The following TFAP2E variants were observed in gnomAD, a reference collection of about 807,000 sequenced individuals.
The protein encoded by TFAP2E is transcription factor AP-2 epsilon.
A neutral mutation model predicts 37.9 loss-of-function variants in TFAP2E; 30 were observed. The ratio of observed to expected loss-of-function variants is 0.79; its 90% CI spans 0.59 to 1.07. The LOEUF is 1.07. TFAP2E is among the 50% of genes least tolerant of loss of function. TFAP2E has a pLI of 0.00. For synonymous variants in TFAP2E, 318 were observed against 295.8 expected (o/e 1.08, Z -0.77); for missense variants, 567 against 637.9 (o/e 0.89, Z 1.20).
intron 3 of TFAP2E, among the ~76,000 whole-genome samples, chr1:35,579,372 GACA>G (rs140974366): frequency 0.026 from 3,885 of 150,934 alleles, 63 homozygotes; most frequent in Non-Finnish European, 0.042. Context: ...CTCCAGCCTG[GACA>G]ACAACAGCAA....
rs1649212431 is a variant in TFAP2E, at chr1:35,577,432, C to G, written c.562+2432C>G. On this transcript the variant is annotated intron_variant, in intron 3 of 6. Transcript: ENST00000373235. This position sits in a 1 kb window ranked among gnomAD's most constrained non-coding sequence, Gnocchi z 6.3. ...TTCCGACGGCACGAGGAACTCCTGT[C>G]CTGCCCCACAGACCTTCGGCCTCCG... The G allele has an allele frequency of 2.2e-6, 1 of 456,698 alleles. No homozygotes were observed. The highest frequency in any genetic ancestry group is 4.4e-6 in the Non-Finnish European group (1 of 226,998). 28.3% of individuals were successfully genotyped at this position (456,698 alleles called of 1,614,324 possible).
In TFAP2E at chr1:35,573,382, C is replaced by T. The variant is rs1441775639; in HGVS notation, c.-196C>T. 1.7e-6 allele frequency: 1 copy of T among 596,160 alleles called. No homozygotes were observed. The highest frequency in any genetic ancestry group is 4.8e-4 in the Middle Eastern group (1 of 2,100). The allele number at this position is 596,160 out of a possible 1,614,324, so 36.9% of individuals were successfully genotyped here. On this transcript the variant is annotated 5_prime_UTR_variant, in exon 1 of 7. Transcript: ENST00000373235. The surrounding 1 kb of genome is among the most constrained non-coding windows in gnomAD (Gnocchi z 5.9). Reference sequence around the variant, plus strand: ...CCAAGTGCGATCAGTGCCCGTCCGTCCTGCCTCCATGGACCCGCCCGGGAA... The same window carrying T: ...CCAAGTGCGATCAGTGCCCGTCCGTTCTGCCTCCATGGACCCGCCCGGGAA...
At chr1:35,581,724 C>T (rs1649355720) in intron 3 of TFAP2E, among the ~76,000 whole-genome samples, 1 of 151,744 alleles carries the variant, frequency 6.6e-6, no homozygotes, top group Non-Finnish European at 1.5e-5. Context: ...AGGTGCGTGA[C>T]ACCACGTCCG....
chr1:35,586,826 C>T (rs1649493301), intron 3 of TFAP2E, among the ~76,000 whole-genome samples: 1 of 152,124 alleles, frequency 6.6e-6, no homozygotes, highest in South Asian at 2.1e-4. Context: ...TCAGGCTAGC[C>T]TTTCCTACTT....
Position 35,573,447 on chromosome 1 carries a change from C to A in TFAP2E, c.-131C>A. On this transcript the variant is annotated 5_prime_UTR_variant, in exon 1 of 7. The change creates a new upstream start codon in the 5' untranslated region. Transcript: ENST00000373235. The surrounding 1 kb of genome is among the most constrained non-coding windows in gnomAD (Gnocchi z 5.9). The stretch of plus-strand genomic sequence containing the variant: ...GACCCCACGCCCACTAGGATCCCGG[C>A]TGGGTCGCACCCAGCTACCGCACCG... 1 of 1,250,876 alleles carries A rather than the reference C, an allele frequency of 8.0e-7. No homozygotes were observed. The highest frequency in any genetic ancestry group is 1.0e-6 in the Non-Finnish European group (1 of 960,640). The allele number at this position is 1,250,876 out of a possible 1,614,324, so 77.5% of individuals were successfully genotyped here. A position where few individuals can be genotyped will look rare whatever the true frequency, so the allele number is the denominator to read the frequency against.
At chr1:35,585,844 T>G (rs992989570) in intron 3 of TFAP2E, among the ~76,000 whole-genome samples, 2 of 151,754 alleles carry the variant, frequency 1.3e-5, no homozygotes, top group Admixed American at 6.6e-5. Context: ...AGTCCAGGAG[T>G]TCAAGACCAG....
chr1:35,582,314 T>C (rs1467392248), intron 3 of TFAP2E, among the ~76,000 whole-genome samples: 4 of 152,194 alleles, frequency 2.6e-5, no homozygotes, highest in Admixed American at 1.3e-4. Context: ...GAAATGTCTA[T>C]TTACATATTT....
intron 6 of TFAP2E, 83 bp from the exon 7 acceptor site, chr1:35,594,311 C>T (rs948673716): frequency 1.3e-6 from 2 of 1,528,266 alleles, no homozygotes; most frequent in East Asian, 2.3e-5. Context: ...TAGCTAATGT[C>T]TGTAAAATGC....
Position 35,573,556 on chromosome 1 carries a change from C to G in TFAP2E, c.-22C>G, listed in dbSNP as rs767669682. 1.3e-6 allele frequency: 2 copies of G among 1,515,914 alleles called. No individual in the cohort carries two copies. The highest frequency in any genetic ancestry group is 1.2e-5 in the South Asian group (1 of 80,390). 93.9% of individuals were successfully genotyped at this position (1,515,914 alleles called of 1,614,324 possible). ...CTAGGGCTCCGCCGCCGCCACGCCT[C>G]GCGCCCGGCACTCACCGCCCCATGC... On this transcript the variant is annotated 5_prime_UTR_variant, in exon 1 of 7. Coordinates refer to ENST00000373235, the MANE Select transcript of TFAP2E (RefSeq NM_178548.4). This position sits in a 1 kb window ranked among gnomAD's most constrained non-coding sequence, Gnocchi z 5.9.
At position 35,577,438 on chromosome 1, in the gene TFAP2E, CCA is replaced by C. The variant is rs770916912; in HGVS notation, c.562+2441_562+2442del. The C allele has an allele frequency of 6.6e-5, 30 of 456,682 alleles. No individual in the cohort carries two copies. The highest frequency in any genetic ancestry group is 1.0e-4 in the Non-Finnish European group (23 of 226,992). The allele number at this position is 456,682 out of a possible 1,614,324, so 28.3% of individuals were successfully genotyped here. On this transcript the variant is annotated intron_variant, in intron 3 of 6. Coordinates refer to ENST00000373235, the MANE Select transcript of TFAP2E (RefSeq NM_178548.4). This position sits in a 1 kb window ranked among gnomAD's most constrained non-coding sequence, Gnocchi z 6.3. ...CGGCACGAGGAACTCCTGTCCTGCCCCACAGACCTTCGGCCTCCGCCGAGTGC... is the reference window on the plus strand; with the variant it reads ...CGGCACGAGGAACTCCTGTCCTGCCCCAGACCTTCGGCCTCCGCCGAGTGC...
chr1:35,580,392 G>A (rs1039312277), intron 3 of TFAP2E, among the ~76,000 whole-genome samples: 1 of 152,102 alleles, frequency 6.6e-6, no homozygotes, highest in Non-Finnish European at 1.5e-5. Flanking sequence ...ACCCCTTCAA[G>A]CTTTGGACCA....
Position 35,589,939 on chromosome 1 carries a change from C to A in TFAP2E, c.795C>A (p.Ser265=). 1 of 1,613,906 alleles carries A rather than the reference C, an allele frequency of 6.2e-7. No individual in the cohort carries two copies. The highest frequency in any genetic ancestry group is 1.1e-5 in the South Asian group (1 of 91,046). ...CTCTGTGCATGTCAAGGGCCAAGTC[C>A]AAAAATGGGGGCCGGTGTTTGCGGG... ...LLGGVLRRAK[S]KNGGRCLRER... is the part of the protein sequence containing the mutation. The change falls in exon 5 of 7, where the codon TCC becomes TCA. Residue 265 remains serine, a synonymous_variant. Coordinates refer to ENST00000373235, the MANE Select transcript of TFAP2E (RefSeq NM_178548.4).
At chr1:35,582,077 C>T (rs941687026) in intron 3 of TFAP2E, among the ~76,000 whole-genome samples, 16 of 151,996 alleles carry the variant, frequency 1.1e-4, no homozygotes, top group East Asian at 1.9e-4. Context: ...GGTTTCACCA[C>T]GTTGGACAGG....
At position 35,588,598 on chromosome 1, in the gene TFAP2E, C is replaced by A. The variant is rs1649559835; in HGVS notation, c.785+46C>A. 6.6e-7 allele frequency: 1 copy of A among 1,509,606 alleles called. No homozygotes were observed. Among genetic ancestry groups the A allele is most frequent in the Non-Finnish European group, 8.9e-7 (1 of 1,124,504 alleles). The allele number at this position is 1,509,606 out of a possible 1,614,324, so 93.5% of individuals were successfully genotyped here. On this transcript the variant is annotated intron_variant, in intron 4 of 6. Coordinates refer to ENST00000373235, the MANE Select transcript of TFAP2E (RefSeq NM_178548.4). This position sits in a 1 kb window ranked among gnomAD's most constrained non-coding sequence, Gnocchi z 5.1. ...TTCCCCGCCTGATTGGATCCCTGGC[C>A]TCTTCAGGCCTTCTCAAGGCATCAG...
chr1:35,587,446 T>A (rs1649512820), intron 3 of TFAP2E, among the ~76,000 whole-genome samples: 1 of 151,972 alleles, frequency 6.6e-6, no homozygotes. Flanking sequence ...GAGACCAGCC[T>A]GGCCAATATG....
In TFAP2E at chr1:35,595,138, G is replaced by A. The variant is rs1649795183; in HGVS notation, c.*462G>A. On this transcript the variant is annotated 3_prime_UTR_variant, in exon 7 of 7. Transcript: ENST00000373235. Reference sequence around the variant, plus strand: ...CTCCTACCCCCAGAAAAGGGGTGCTGGAAGGAGGCCCCAGTGGACTCTTTG... The same window carrying A: ...CTCCTACCCCCAGAAAAGGGGTGCTAGAAGGAGGCCCCAGTGGACTCTTTG... The A allele has an allele frequency of 4.8e-6, 1 of 208,064 alleles. No individual in the cohort carries two copies. The highest frequency in any genetic ancestry group is 5.7e-5 in the Admixed American group (1 of 17,484). 12.9% of individuals were successfully genotyped at this position (208,064 alleles called of 1,614,324 possible). A position where few individuals can be genotyped will look rare whatever the true frequency, so the allele number is the denominator to read the frequency against.
downstream of TFAP2E, chr1:35,595,400 G>A (rs967010085): frequency 6.1e-5 from 9 of 148,588 alleles, no homozygotes; most frequent in Non-Finnish European, 8.9e-5. Flanking sequence ...ACACTGATAT[G>A]TCCAGCTGGA....
intron 2 of TFAP2E, 67 bp from the exon 3 acceptor site, chr1:35,574,882 G>A (rs1185482316): frequency 6.2e-7 from 1 of 1,609,474 alleles, no homozygotes; most frequent in Non-Finnish European, 8.5e-7. Flanking sequence ...CTGGGTGGCA[G>A]GGGCTTGGGA....
At chr1:35,589,773 C>T (rs575952830) in intron 4 of TFAP2E, among the ~76,000 whole-genome samples, 157 bp from the exon 5 acceptor site, 30 of 152,108 alleles carry the variant, frequency 2.0e-4, no homozygotes, top group Middle Eastern at 3.2e-3. Flanking sequence ...AGATTAGTTG[C>T]GCCCTTGCTG....
Sources: allele counts gnomAD v4.1 joint callset (sites outside exome capture counted in the v4.1 genomes callset), GRCh38; gene constraint gnomAD v4.1.1; non-coding constraint Gnocchi (gnomAD v3.1); transcripts MANE v1.5; gene names NCBI Gene and HGNC (gene_info 2026-07-23, HGNC 2026-07-21).